Variants in EDC3 observed in about 807,000 individuals in gnomAD.
EDC3 encodes the protein enhancer of mRNA decapping 3.
A neutral mutation model predicts 41.8 loss-of-function variants in EDC3; 20 were observed. The ratio of observed to expected loss-of-function variants is 0.48; its 90% confidence interval spans 0.34 to 0.70. The LOEUF is 0.70. EDC3 is among the 30% of genes least tolerant of loss of function. The pLI is 0.01. For synonymous variants in EDC3, 206 were observed against 243.2 expected, an observed-to-expected ratio of 0.85 and a Z score of 1.42; for missense variants, 444 against 636.8, an observed-to-expected ratio of 0.70 and a Z score of 3.26.
chr15:74,682,446 G>A (rs12914866), intron 1 of EDC3, among the ~76,000 whole-genome samples: 69,012 of 151,278 alleles, frequency 0.46, 20,528 homozygotes, highest in Non-Finnish European at 0.68. Context: ...GTGAAACCCC[G>A]TCTCTACTAA....
intron 6 of EDC3, among the ~76,000 whole-genome samples, chr15:74,634,006 C>T (rs1375623828): frequency 6.6e-6 from 1 of 152,132 alleles, no homozygotes; most frequent in African/African-American, 2.4e-5. Context: ...CCAGGCTTTG[C>T]CCTTGACTCA....
At chr15:74,635,656 G>C (rs775473551) in intron 5 of EDC3, 30 bp from the exon 6 acceptor site, 6 of 1,597,316 alleles carry the variant, frequency 3.8e-6, no homozygotes, top group Non-Finnish European at 5.1e-6. Context: ...AGCAGTATCA[G>C]CTACATACTT....
intron 4 of EDC3, among the ~76,000 whole-genome samples, chr15:74,654,455 C>T (rs1275645049): frequency 1.3e-5 from 2 of 152,158 alleles, no homozygotes; most frequent in Non-Finnish European, 2.9e-5. Flanking sequence ...CCAGACTTAA[C>T]AGATGATAAC....
chr15:74,673,837 C>CAAAAAA (rs748537794), intron 2 of EDC3, among the ~76,000 whole-genome samples: 3 of 47,256 alleles, frequency 6.3e-5, no homozygotes, highest in Admixed American at 2.3e-4. Context: ...GAGACTCCAT[C>CAAAAAA]AAAAAAAAAA....
Position 74,647,215 on chromosome 15 carries a change from G to A in EDC3, c.821-6596C>T, listed in dbSNP as rs188724139. On this transcript the variant is annotated intron_variant, in intron 4 of 6. Coordinates refer to ENST00000315127, the MANE Select transcript of EDC3 (RefSeq NM_025083.5). ...AGTAGAGACAGGGTTTCAACATGTTGGTCAGGCTGGTCTCAAACTCCTGAC... is the reference window on the plus strand; with the variant it reads ...AGTAGAGACAGGGTTTCAACATGTTAGTCAGGCTGGTCTCAAACTCCTGAC... Among the ~76,000 whole-genome samples the A allele has an allele frequency of 4.6e-5, 7 of 152,138 alleles. No homozygotes were observed. In the East Asian group the frequency reaches 1.3e-3, roughly 29 times the overall value.
intron 1 of EDC3, among the ~76,000 whole-genome samples, chr15:74,677,450 C>CCTCTGCCT (rs920313460): frequency 6.6e-6 from 1 of 150,456 alleles, no homozygotes; most frequent in Non-Finnish European, 1.5e-5. Flanking sequence ...CTCATTGCAG[C>CCTCTGCCT]CTCTGCCTCT....
At chr15:74,640,071 C>CATTAAAA in intron 5 of EDC3, 1 of 185,116 alleles carries the variant, frequency 5.4e-6, no homozygotes, top group Admixed American at 5.9e-5. Context: ...CTCCCCTACT[C>CATTAAAA]AGTTGTCAGT....
At chr15:74,663,698 CAAAA>C (rs1286912414) in intron 3 of EDC3, among the ~76,000 whole-genome samples, 1 of 66,870 alleles carries the variant, frequency 1.5e-5, no homozygotes. Context: ...TGTTCAGTTT[CAAAA>C]AAAAAAAAAA....
chr15:74,674,777 G>A (rs1234133297), intron 2 of EDC3, 184 bp downstream of exon 2: 1 of 637,290 alleles, frequency 1.6e-6, no homozygotes, highest in Non-Finnish European at 2.7e-6. Context: ...CACTTCGGGA[G>A]GCCACAACGG....
At chr15:74,636,608 G>A (rs1474525107) in intron 5 of EDC3, 1 of 152,266 alleles carries the variant, frequency 6.6e-6, no homozygotes, top group African/African-American at 2.4e-5. Context: ...AAGGCCATAG[G>A]TCCCTGCCTA....
chr15:74,681,964 C>G (rs1038004107), intron 1 of EDC3, among the ~76,000 whole-genome samples: 1 of 152,156 alleles, frequency 6.6e-6, no homozygotes, highest in East Asian at 1.9e-4. Context: ...GGAGAAAATA[C>G]TTGCAAACCA....
intron 3 of EDC3, among the ~76,000 whole-genome samples, chr15:74,670,393 G>A (rs1428613436): frequency 6.6e-6 from 1 of 152,018 alleles, no homozygotes; most frequent in African/African-American, 2.4e-5. Context: ...AGGCAGCTAT[G>A]CTCACCATCA....
intron 1 of EDC3, among the ~76,000 whole-genome samples, chr15:74,684,390 T>A (rs574957847): frequency 6.8e-6 from 1 of 147,576 alleles, no homozygotes; most frequent in African/African-American, 2.5e-5. Context: ...GGTTTCCAAC[T>A]CCTGAGTTCA....
intron 1 of EDC3, among the ~76,000 whole-genome samples, chr15:74,676,262 G>A (rs1319361135): frequency 6.6e-6 from 1 of 152,096 alleles, no homozygotes; most frequent in Non-Finnish European, 1.5e-5. Context: ...GTGCGTAAAA[G>A]GGGGAATTTA....
At chr15:74,680,324 T>C (rs2062857419) in intron 1 of EDC3, among the ~76,000 whole-genome samples, 1 of 149,108 alleles carries the variant, frequency 6.7e-6, no homozygotes, top group Admixed American at 6.7e-5. Flanking sequence ...ATTCCAAGGA[T>C]GCAATGCTGA....
At chr15:74,673,054 C>T (rs936808990) in intron 2 of EDC3, among the ~76,000 whole-genome samples, 2 of 151,942 alleles carry the variant, frequency 1.3e-5, no homozygotes, top group African/African-American at 4.8e-5. Context: ...ACGTGAGGAA[C>T]TGCAAGTGTT....
Position 74,632,458 on chromosome 15 carries a change from G to T in EDC3, c.*154C>A. The T allele has an allele frequency of 1.1e-6, 1 of 920,182 alleles. No homozygotes were observed. The allele number at this position is 920,182 out of a possible 1,614,324, so 57.0% of individuals were successfully genotyped here. ...AAGACTTCCCTGGCTAAGAGCAAGT[G>T]ACAGGTCAGTTTTAAGTAAGTTCTG... is the stretch of plus-strand genomic sequence containing the variant. On this transcript the variant is annotated 3_prime_UTR_variant, in exon 7 of 7. Transcript: ENST00000315127. This position sits in a 1 kb window ranked among gnomAD's most constrained non-coding sequence, Gnocchi z 4.0.
intron 4 of EDC3, among the ~76,000 whole-genome samples, chr15:74,652,672 C>G (rs1362678021): frequency 6.6e-6 from 1 of 151,932 alleles, no homozygotes; most frequent in Non-Finnish European, 1.5e-5. Flanking sequence ...GCCGCAACCT[C>G]ATGGGCTCAG....
chr15:74,694,796 G>T (rs894331299), intron 1 of EDC3, among the ~76,000 whole-genome samples: 1 of 152,112 alleles, frequency 6.6e-6, no homozygotes, highest in Admixed American at 6.6e-5. Flanking sequence ...ATCTAACTGT[G>T]GGTCACAGGT....
Sources: allele counts gnomAD v4.1 joint callset (sites outside exome capture counted in the v4.1 genomes callset), GRCh38; gene constraint gnomAD v4.1.1; non-coding constraint Gnocchi (gnomAD v3.1); transcripts MANE v1.5; gene names NCBI Gene and HGNC (gene_info 2026-07-23, HGNC 2026-07-21).